The following GALNS variants were observed in gnomAD, a reference collection of about 807,000 sequenced individuals.
The protein encoded by GALNS is N-acetylgalactosamine-6-sulfatase.
In GALNS, 65 loss-of-function variants were observed where a neutral mutation model predicts 65.9. The observed-to-expected ratio is 0.99, with a 90% CI of 0.81 to 1.21. The LOEUF is 1.21. GALNS is among the 50% of genes most tolerant of loss of function. The pLI is 0.00. For synonymous variants in GALNS, 346 were observed against 288.9 expected (o/e 1.20, Z -2.00); for missense variants, 776 against 700.7 (o/e 1.11, Z -1.21).
intron 1 of GALNS, among the ~76,000 whole-genome samples, chr16:88,846,445 A>C (rs1265973315): frequency 6.8e-6 from 1 of 146,692 alleles, no homozygotes; most frequent in Non-Finnish European, 1.5e-5. Flanking sequence ...CGAGGGAGCG[A>C]GGTCCTGCCC....
chr16:88,843,530 G>A (rs1190157185), intron 1 of GALNS: 3 of 279,758 alleles, frequency 1.1e-5, no homozygotes, highest in Non-Finnish European at 2.1e-5. Flanking sequence ...CTAAGATGAG[G>A]TCACGCTGGG....
intron 9 of GALNS, among the ~76,000 whole-genome samples, chr16:88,828,210 G>A (rs953348345): frequency 8.0e-6 from 1 of 124,490 alleles, no homozygotes; most frequent in African/African-American, 3.0e-5. Flanking sequence ...AATAATAAAG[G>A]AAAGAAATCC....
At position 88,832,059 on chromosome 16, in the gene GALNS, A is replaced by G. The variant is rs769345732; in HGVS notation, c.941T>C (p.Phe314Ser). 6.2e-7 allele frequency: 1 copy of G among 1,613,882 alleles called. No individual in the cohort carries two copies. Among genetic ancestry groups the G allele is most frequent in the Admixed American group, 1.7e-5 (1 of 60,008 alleles). The change falls in exon 9 of 14, where the codon TTT (phenylalanine) becomes TCT (serine). Residue 314 changes from phenylalanine to serine, a missense_variant. Physicochemically the swap from Phe to Ser is radical, Grantham distance 155. Transcript: ENST00000268695. ...GGCAGGCTCCCTCATCCCTCCTTCAAACGTGGTCTGCTTCCCACACAGAAA... is the reference window on the plus strand; with the variant it reads ...GGCAGGCTCCCTCATCCCTCCTTCAGACGTGGTCTGCTTCCCACACAGAAA... ...GPFLCGKQTTFEGGMREPALA... is the reference protein window; with the variant it reads ...GPFLCGKQTTSEGGMREPALA...
chr16:88,837,840 C>T, intron 4 of GALNS, 75 bp from the exon 5 acceptor site: 4 of 1,503,604 alleles, frequency 2.7e-6, no homozygotes, highest in Non-Finnish European at 3.7e-6. Flanking sequence ...CAACAGATAC[C>T]ACCTTCACAA....
At chr16:88,855,010 C>T (rs1404079086) in intron 1 of GALNS, 2 of 341,212 alleles carry the variant, frequency 5.9e-6, no homozygotes, top group South Asian at 2.3e-5. Context: ...GGTGGCCACA[C>T]CCCACCCCTC....
At chr16:88,832,169 ACT>A (rs1185851999) in intron 8 of GALNS, 68 bp from the exon 9 acceptor site, 2 of 1,312,020 alleles carry the variant, frequency 1.5e-6, no homozygotes, top group Non-Finnish European at 2.2e-6. Context: ...CTCCCTCCCC[ACT>A]GAGTCACTGA....
chr16:88,833,913 C>CA (rs1176219514), intron 8 of GALNS, among the ~76,000 whole-genome samples: 1 of 152,232 alleles, frequency 6.6e-6, no homozygotes, highest in East Asian at 1.9e-4. Context: ...AATGAAGACT[C>CA]AGGTCGCTGG....
In GALNS at chr16:88,836,260, C is replaced by A; in HGVS notation, c.574G>T (p.Glu192Ter). The A allele has an allele frequency of 6.2e-7, 1 of 1,612,172 alleles. No homozygotes were observed. Among genetic ancestry groups the A allele is most frequent in the Non-Finnish European group, 8.5e-7 (1 of 1,179,252 alleles). Residue 192 changes from glutamate to a stop codon, truncating the protein, a stop_gained, in exon 6 of 14, where the codon GAA becomes TAA. Coordinates refer to ENST00000268695, the MANE Select transcript of GALNS (RefSeq NM_000512.5). LOFTEE classifies it high-confidence loss of function. ...GTCTTCAGATTAATAGGAAATTCTT[C>A]ATAATATCTGAAAAGAACACAGATC... Reference protein sequence around the residue: ...RDWEMVGRYYEEFPINLKTGE... With the variant: ...RDWEMVGRYY
intron 9 of GALNS, among the ~76,000 whole-genome samples, chr16:88,827,866 C>T (rs894235228): frequency 2.0e-5 from 3 of 152,226 alleles, no homozygotes; most frequent in South Asian, 2.1e-4. Flanking sequence ...GACCGCCATC[C>T]GCTGCCAGGC....
At chr16:88,818,218 G>C in intron 12 of GALNS, 94 bp from the exon 13 acceptor site, 2 of 1,009,772 alleles carry the variant, frequency 2.0e-6, no homozygotes, top group Admixed American at 4.0e-5. Context: ...GAGCTCTAAC[G>C]GGCTGAGAAC....
At chr16:88,854,339 G>C (rs561314885) in intron 1 of GALNS, among the ~76,000 whole-genome samples, 23 of 152,340 alleles carry the variant, frequency 1.5e-4, no homozygotes, top group Admixed American at 3.3e-4. Context: ...AGAGAAGACA[G>C]CCTGTGAGGA....
At chr16:88,832,979 G>C (rs983746440) in intron 8 of GALNS, among the ~76,000 whole-genome samples, 1 of 150,836 alleles carries the variant, frequency 6.6e-6, no homozygotes, top group African/African-American at 2.4e-5. Flanking sequence ...TCAGGAGGCT[G>C]AGGTGGGAGG....
intron 1 of GALNS, among the ~76,000 whole-genome samples, chr16:88,846,509 CTTTTTT>C (rs59223444): frequency 2.1e-4 from 19 of 88,696 alleles, no homozygotes; most frequent in African/African-American, 6.6e-4. Context: ...GCGTTTCTGG[CTTTTTT>C]TTTTTTTTTT....
At chr16:88,839,941 C>G (rs985237056) in intron 4 of GALNS, among the ~76,000 whole-genome samples, 2 of 152,234 alleles carry the variant, frequency 1.3e-5, no homozygotes, top group African/African-American at 4.8e-5. Context: ...GGAGAGGCCA[C>G]CGGCTCTTCC....
chr16:88,849,899 G>C (rs1365138627), intron 1 of GALNS, among the ~76,000 whole-genome samples: 1 of 152,262 alleles, frequency 6.6e-6, no homozygotes, highest in African/African-American at 2.4e-5. Flanking sequence ...GGGACCTTGG[G>C]CTCAGTGGCA....
chr16:88,828,699 T>A (rs1273320959), intron 9 of GALNS, among the ~76,000 whole-genome samples: 1 of 152,198 alleles, frequency 6.6e-6, no homozygotes, highest in African/African-American at 2.4e-5. Flanking sequence ...AACGCTGAAA[T>A]TGGCATTTTT....
At chr16:88,816,103 C>G in intron 13 of GALNS, 1 of 985,338 alleles carries the variant, frequency 1.0e-6, no homozygotes, top group Non-Finnish European at 1.2e-6. Flanking sequence ...CCCAGTGGCT[C>G]AGCTCGCCAG....
chr16:88,818,635 A>G (rs942457196), intron 12 of GALNS, among the ~76,000 whole-genome samples: 2 of 152,198 alleles, frequency 1.3e-5, no homozygotes, highest in African/African-American at 2.4e-5. Context: ...CGAAGATACG[A>G]TTACACGGCT....
chr16:88,835,441 T>C (rs1912020957), intron 7 of GALNS, 89 bp from the exon 8 acceptor site: 1 of 1,536,582 alleles, frequency 6.5e-7, no homozygotes, highest in Admixed American at 1.8e-5. Flanking sequence ...ATTCACGGAG[T>C]TCATTAAATC....
Sources: allele counts gnomAD v4.1 joint callset (sites outside exome capture counted in the v4.1 genomes callset), GRCh38; gene constraint gnomAD v4.1.1; transcripts MANE v1.5; gene names NCBI Gene and HGNC (gene_info 2026-07-23, HGNC 2026-07-21).